DENND5A: variants seen among roughly 807,000 people sequenced by gnomAD.
The protein encoded by DENND5A is DENN domain-containing protein 5A.
In DENND5A, 64 loss-of-function variants were observed where a neutral mutation model predicts 140.3. The ratio of observed to expected loss-of-function variants is 0.46; its 90% CI spans 0.37 to 0.56. The LOEUF (loss-of-function observed/expected upper bound fraction) is 0.56, where lower values mean the gene tolerates loss of function less well. DENND5A is among the 20% of genes least tolerant of loss of function. DENND5A has a pLI of 0.00. For missense variants in DENND5A, 1,292 were observed against 1,593.8 expected, an observed-to-expected ratio of 0.81 and a Z score of 3.22; for synonymous variants, 605 against 607.7, an observed-to-expected ratio of 1.00 and a Z score of 0.07.
At chr11:9,241,009 C>T (rs1851212856) in intron 1 of DENND5A, among the ~76,000 whole-genome samples, 1 of 152,142 alleles carries the variant, frequency 6.6e-6, no homozygotes, top group African/African-American at 2.4e-5. Context: ...ACTCATCTTC[C>T]CTAGTAACTC....
chr11:9,260,488 C>T (rs763103289), intron 1 of DENND5A, among the ~76,000 whole-genome samples: 1 of 152,086 alleles, frequency 6.6e-6, no homozygotes, highest in African/African-American at 2.4e-5. Context: ...TTACGATGTG[C>T]CAAAAATAAT....
At chr11:9,179,976 G>A (rs970808245) in intron 6 of DENND5A, among the ~76,000 whole-genome samples, 2 of 152,162 alleles carry the variant, frequency 1.3e-5, no homozygotes, top group Non-Finnish European at 2.9e-5. Context: ...TGGTTTATAA[G>A]TAACTTACGA....
At chr11:9,163,116 T>C (rs1848046631) in intron 11 of DENND5A, among the ~76,000 whole-genome samples, 1 of 152,210 alleles carries the variant, frequency 6.6e-6, no homozygotes, top group Non-Finnish European at 1.5e-5. Context: ...TACACCACAA[T>C]ATACTTATTA....
intron 11 of DENND5A, among the ~76,000 whole-genome samples, chr11:9,164,127 C>T (rs1378807729): frequency 8.6e-6 from 1 of 115,830 alleles, no homozygotes; most frequent in Non-Finnish European, 1.6e-5. Context: ...ACCTCCAGGG[C>T]TCAAATGATC....
chr11:9,144,961 GC>G, intron 18 of DENND5A, 33 bp downstream of exon 18: 1 of 1,425,040 alleles, frequency 7.0e-7, no homozygotes, highest in Non-Finnish European at 9.9e-7. Context: ...GATACACCTT[GC>G]CCCTCTACCT....
chr11:9,252,105 C>T (rs1240424257), intron 1 of DENND5A, among the ~76,000 whole-genome samples: 1 of 148,674 alleles, frequency 6.7e-6, no homozygotes, highest in Non-Finnish European at 1.5e-5. Context: ...GGAGACCATT[C>T]TGGCTAACAT....
intron 1 of DENND5A, among the ~76,000 whole-genome samples, chr11:9,230,820 G>A (rs1444831345): frequency 2.6e-5 from 4 of 151,994 alleles, no homozygotes; most frequent in South Asian, 2.1e-4. Flanking sequence ...TAGGGAGACC[G>A]GTCTCTACAA....
intron 1 of DENND5A, among the ~76,000 whole-genome samples, chr11:9,256,135 G>A (rs1046421530): frequency 2.6e-5 from 4 of 151,778 alleles, no homozygotes; most frequent in Non-Finnish European, 2.9e-5. Context: ...AAAAAGAAGT[G>A]TACACAAATG....
chr11:9,150,197 G>A lies in DENND5A; in HGVS notation c.2619C>T (p.Asn873=). Residue 873 remains asparagine (N), a synonymous_variant, in exon 15 of 23, where the codon AAC becomes AAT. Coordinates refer to ENST00000328194, the MANE Select transcript of DENND5A (RefSeq NM_015213.4). ...CCACATCAGTCTTGATTTCCCCGAT[G>A]TTCTGGATGTGCCTGGAGGAAGAAT... ...SLIQDMRHIQ[N]IGEIKTDVGK... is the part of the protein sequence containing the mutation. 1 of 1,613,744 alleles carries A rather than the reference G, an allele frequency of 6.2e-7. No homozygotes were observed. Among genetic ancestry groups the A allele is most frequent in the Non-Finnish European group, 8.5e-7 (1 of 1,179,742 alleles).
chr11:9,259,116 C>T (rs943751216), intron 1 of DENND5A, among the ~76,000 whole-genome samples: 3 of 151,890 alleles, frequency 2.0e-5, no homozygotes, highest in Admixed American at 6.6e-5. Context: ...CAAAATTAGC[C>T]GGGCATGGTG....
chr11:9,165,719 C>G (rs530741688), intron 11 of DENND5A, 117 bp downstream of exon 11: 1 of 1,249,040 alleles, frequency 8.0e-7, no homozygotes, highest in Non-Finnish European at 1.1e-6. Flanking sequence ...CAGGCATGAG[C>G]CATCACGCCC....
intron 4 of DENND5A, among the ~76,000 whole-genome samples, chr11:9,194,743 G>A (rs919329624): frequency 1.3e-4 from 20 of 149,010 alleles, no homozygotes; most frequent in East Asian, 5.9e-4. Context: ...TTTTTGTGAC[G>A]GGGTCTTGCT....
At chr11:9,155,531 C>T (rs534015009) in intron 12 of DENND5A, among the ~76,000 whole-genome samples, 1 of 152,164 alleles carries the variant, frequency 6.6e-6, no homozygotes, top group African/African-American at 2.4e-5. Flanking sequence ...GCTCTTTGGT[C>T]TTTCTAGTTC....
chr11:9,200,952 A>G (rs1849501213), intron 4 of DENND5A, among the ~76,000 whole-genome samples: 2 of 152,230 alleles, frequency 1.3e-5, no homozygotes. Context: ...ATGAGCAAAA[A>G]GCAAAAGCCC....
At chr11:9,228,272 A>G (rs1285889335) in intron 1 of DENND5A, among the ~76,000 whole-genome samples, 1 of 152,150 alleles carries the variant, frequency 6.6e-6, no homozygotes, top group South Asian at 2.1e-4. Context: ...TACCTACTAA[A>G]TAGCTTAAGC....
At chr11:9,177,460 G>A (rs569274855) in intron 8 of DENND5A, among the ~76,000 whole-genome samples, 21 of 150,474 alleles carry the variant, frequency 1.4e-4, no homozygotes, top group African/African-American at 3.4e-4. Flanking sequence ...AAGACCAGAC[G>A]GAGCATAGCA....
In DENND5A at chr11:9,265,072, C is replaced by G; in HGVS notation, c.-3G>C. The G allele has an allele frequency of 6.6e-7, 1 of 1,523,732 alleles. No individual in the cohort carries two copies. The highest frequency in any genetic ancestry group is 8.8e-7 in the Non-Finnish European group (1 of 1,136,562). 94.4% of individuals were successfully genotyped at this position (1,523,732 alleles called of 1,614,324 possible). A position where few individuals can be genotyped will look rare whatever the true frequency, so the allele number is the denominator to read the frequency against. ...CCTCCGCCGCCGCCGCCACTCATGG[C>G]GCCGGGGCCGAGACCGGCCGGGCAG... On this transcript the variant is annotated 5_prime_UTR_variant, in exon 1 of 23. Coordinates refer to ENST00000328194, the MANE Select transcript of DENND5A (RefSeq NM_015213.4). This position sits in a 1 kb window ranked among gnomAD's most constrained non-coding sequence, Gnocchi z 4.7.
Position 9,206,681 on chromosome 11 carries a change from C to T in DENND5A, c.283G>A (p.Val95Ile). The T allele has an allele frequency of 1.2e-6, 2 of 1,605,988 alleles. No individual in the cohort carries two copies. The highest frequency in any genetic ancestry group is 8.5e-7 in the Non-Finnish European group (1 of 1,172,730). ...VEWNPFDQDA[V>I]GMLCMPKGLA... ...GGCTAACAAATACCAACCATTCCTA[C>T]TGCATCTTGGTCAAAGGGATTCCAT... Residue 95 changes from valine to isoleucine, a missense_variant, in exon 3 of 23, where the codon GTA becomes ATA. Physicochemically the swap from Val to Ile is conservative, Grantham distance 29. Transcript: ENST00000328194.
intron 1 of DENND5A, among the ~76,000 whole-genome samples, chr11:9,215,149 C>T (rs977743760): frequency 6.6e-6 from 1 of 152,180 alleles, no homozygotes; most frequent in African/African-American, 2.4e-5. Flanking sequence ...TTTGTTCACT[C>T]TCTTTCTCAA....
Sources: allele counts gnomAD v4.1 joint callset (sites outside exome capture counted in the v4.1 genomes callset), GRCh38; gene constraint gnomAD v4.1.1; non-coding constraint Gnocchi (gnomAD v3.1); transcripts MANE v1.5; gene names NCBI Gene and HGNC (gene_info 2026-07-23, HGNC 2026-07-21).